ROS1: variants seen among roughly 807,000 people sequenced by gnomAD.
ROS1 encodes the protein ROS proto-oncogene 1, receptor tyrosine kinase, also known as proto-oncogene tyrosine-protein kinase ROS.
ROS1 carries 263 observed loss-of-function variants against 273.5 expected under a neutral mutation model. The observed-to-expected ratio is 0.96, with a 90% CI of 0.87 to 1.06. The LOEUF is 1.06. ROS1 is among the 50% of genes least tolerant of loss of function. The pLI is 0.00. For synonymous variants in ROS1, 1,008 were observed against 954.1 expected, an observed-to-expected ratio of 1.06 and a Z score of -1.04; for missense variants, 2,833 against 2,751.1, an observed-to-expected ratio of 1.03 and a Z score of -0.67.
intron 3 of ROS1, 97 bp from the exon 4 acceptor site, chr6:117,414,642 C>A: frequency 1.7e-6 from 1 of 597,632 alleles, no homozygotes; most frequent in South Asian, 2.2e-5. Flanking sequence ...AATTTATTGC[C>A]CCACCATTGA....
intron 7 of ROS1, among the ~76,000 whole-genome samples, chr6:117,402,397 C>G (rs1774018914): frequency 6.6e-6 from 1 of 152,154 alleles, no homozygotes; most frequent in African/African-American, 2.4e-5. Context: ...ACCCCACCAG[C>G]TCACCAAGGC....
chr6:117,308,816 G>A lies in ROS1; in HGVS notation c.6529C>T (p.Pro2177Ser), dbSNP rs767792683. Reference protein sequence around the residue: ...YVQTGGRLEPPRNCPDDLWNL... With the variant: ...YVQTGGRLEPSRNCPDDLWNL... ...TACAGATCATCAGGACAATTTCTTGGTGGCTCCAGTCTCCCTCCTGTTTGC... is the reference window on the plus strand; with the variant it reads ...TACAGATCATCAGGACAATTTCTTGATGGCTCCAGTCTCCCTCCTGTTTGC... The change falls in exon 42 of 44, where the codon CCA becomes TCA. Residue 2177 changes from proline (P) to serine (S), a missense_variant. Pro to Ser is a moderately conservative substitution (Grantham distance 74, BLOSUM62 -1). Coordinates refer to ENST00000368507, the MANE Select transcript of ROS1 (RefSeq NM_001378902.1). 1 of 1,612,948 alleles carries A rather than the reference G, an allele frequency of 6.2e-7. No individual in the cohort carries two copies. The highest frequency in any genetic ancestry group is 1.1e-5 in the South Asian group (1 of 90,982).
intron 12 of ROS1, among the ~76,000 whole-genome samples, chr6:117,392,611 T>C (rs1027412876): frequency 5.3e-5 from 8 of 152,216 alleles, no homozygotes; most frequent in African/African-American, 1.9e-4. Context: ...ACCTTCCCTA[T>C]ATGGATTGAT....
chr6:117,330,321 T>C (rs1776987648), intron 32 of ROS1, among the ~76,000 whole-genome samples: 2 of 152,032 alleles, frequency 1.3e-5, no homozygotes, highest in Non-Finnish European at 2.9e-5. Context: ...AATTCAGATC[T>C]CCCTGGGCCT....
intron 18 of ROS1, among the ~76,000 whole-genome samples, chr6:117,370,346 TATG>T (rs1780667286): frequency 6.6e-6 from 1 of 152,168 alleles, no homozygotes; most frequent in African/African-American, 2.4e-5. Flanking sequence ...CTTTAGAGTA[TATG>T]ATATTTTGCT....
intron 43 of ROS1, among the ~76,000 whole-genome samples, chr6:117,290,579 T>A (rs911935724): frequency 6.6e-6 from 1 of 152,304 alleles, no homozygotes; most frequent in African/African-American, 2.4e-5. Context: ...ATTTACAGAC[T>A]AGACATATGC....
At chr6:117,341,028 T>C (rs1777871407) in intron 31 of ROS1, 107 bp downstream of exon 31, 2 of 706,784 alleles carry the variant, frequency 2.8e-6, no homozygotes, top group Non-Finnish European at 2.3e-6. Flanking sequence ...TCAATGAAAG[T>C]TGTCAAATAT....
intron 5 of ROS1, among the ~76,000 whole-genome samples, chr6:117,408,982 C>A (rs908445333): frequency 2.7e-4 from 39 of 145,974 alleles, no homozygotes; most frequent in African/African-American, 9.6e-4. Flanking sequence ...CCAAACACTG[C>A]ATGTTCTCAC....
chr6:117,372,764 G>A (rs1780926778), intron 18 of ROS1, among the ~76,000 whole-genome samples: 1 of 152,210 alleles, frequency 6.6e-6, no homozygotes. Context: ...TAAACGCAGT[G>A]TGGAGCCAAA....
rs371159504 is a variant in ROS1 at position 117,319,899 on chromosome 6, A to T, written c.5891T>A (p.Val1964Asp). The stretch of plus-strand genomic sequence containing the variant: ...TGCTACTTTGATTTCTCCACTTCCA[A>T]CTCCTAAGATGTCCACTGCTGTTCC... ...YEGTAVDILG[V>D]GSGEIKVAVK... The change falls in exon 37 of 44, where the codon GTT becomes GAT. Residue 1964 changes from valine (V) to aspartate (D), a missense_variant. Coordinates refer to ENST00000368507, the MANE Select transcript of ROS1 (RefSeq NM_001378902.1). 3.1e-6 allele frequency: 5 copies of T among 1,612,936 alleles called. No individual in the cohort carries two copies. The highest frequency in any genetic ancestry group is 4.2e-6 in the Non-Finnish European group (5 of 1,179,408).
chr6:117,396,106 AG>A (rs1773463026), intron 9 of ROS1, 81 bp downstream of exon 9: 5 of 936,500 alleles, frequency 5.3e-6, no homozygotes, highest in Non-Finnish European at 8.6e-6. Context: ...GAGGTCTACC[AG>A]GTGACCCAGG....
intron 7 of ROS1, 77 bp from the exon 8 acceptor site, chr6:117,397,193 C>T (rs1169085130): frequency 3.1e-5 from 30 of 960,330 alleles, no homozygotes; most frequent in South Asian, 5.0e-5. Flanking sequence ...GGAAAAAAGT[C>T]TTGTTTTTTT....
At chr6:117,417,680 T>C (rs993741649) in intron 2 of ROS1, among the ~76,000 whole-genome samples, 4 of 152,184 alleles carry the variant, frequency 2.6e-5, no homozygotes, top group Non-Finnish European at 2.9e-5. Flanking sequence ...CCTCTATACA[T>C]GTACCCCAAT....
intron 24 of ROS1, among the ~76,000 whole-genome samples, chr6:117,358,294 C>A (rs966009768): frequency 6.6e-6 from 1 of 152,176 alleles, no homozygotes; most frequent in Non-Finnish European, 1.5e-5. Flanking sequence ...AAACTGCCTA[C>A]TGAACATTTC....
chr6:117,372,181 T>C (rs1170131184), intron 18 of ROS1, among the ~76,000 whole-genome samples: 1 of 152,254 alleles, frequency 6.6e-6, no homozygotes, highest in East Asian at 1.9e-4. Context: ...CTCTGAGAAC[T>C]GGAACAAGAC....
intron 4 of ROS1, among the ~76,000 whole-genome samples, chr6:117,410,014 G>T (rs1321799): frequency 0.56 from 85,631 of 152,040 alleles, 25,442 homozygotes; most frequent in African/African-American, 0.76. Context: ...ATAAACTCAC[G>T]TATTTAAAGT....
In ROS1 at chr6:117,344,215, G is replaced by A; in HGVS notation, c.4351C>T (p.Leu1451Phe). ...GTGAGGCTAGTGTTAGTGGCATTAA[G>A]TATAGTTGGTTCCACAGTGTCTGAA... ...LASDTVEPTI[L>F]NATNTSLTIR... Residue 1451 changes from leucine to phenylalanine, a missense_variant, in exon 28 of 44, where the codon CTT becomes TTT. Physicochemically the swap from Leu to Phe is conservative, Grantham distance 22. Coordinates refer to ENST00000368507, the MANE Select transcript of ROS1 (RefSeq NM_001378902.1). The A allele has an allele frequency of 6.2e-7, 1 of 1,614,038 alleles. No homozygotes were observed. The highest frequency in any genetic ancestry group is 8.5e-7 in the Non-Finnish European group (1 of 1,179,958).
intron 5 of ROS1, among the ~76,000 whole-genome samples, chr6:117,405,696 T>A (rs1774342144): frequency 6.6e-6 from 1 of 151,962 alleles, no homozygotes; most frequent in African/African-American, 2.4e-5. Context: ...AGGTTTATGC[T>A]AAAATATCAA....
chr6:117,299,858 C>T (rs1234411872), intron 43 of ROS1, among the ~76,000 whole-genome samples: 28 of 151,700 alleles, frequency 1.8e-4, no homozygotes, highest in Non-Finnish European at 1.5e-5. Context: ...TATTTTAAGT[C>T]TCTTTACATT....
Sources: allele counts gnomAD v4.1 joint callset (sites outside exome capture counted in the v4.1 genomes callset), GRCh38; gene constraint gnomAD v4.1.1; transcripts MANE v1.5; gene names NCBI Gene and HGNC (gene_info 2026-07-23, HGNC 2026-07-21).